Variants in RGS6 observed in about 807,000 individuals in gnomAD.
The protein encoded by RGS6 is regulator of G protein signaling 6.
In RGS6, 30 loss-of-function variants were observed where a neutral mutation model predicts 78.5. The ratio of observed to expected loss-of-function variants is 0.38; its 90% CI spans 0.29 to 0.52. The LOEUF (loss-of-function observed/expected upper bound fraction) is 0.52, where lower values mean the gene tolerates loss of function less well. RGS6 is among the 20% of genes least tolerant of loss of function. The probability of loss-of-function intolerance (pLI) is 0.85; values close to 1 mark genes in which losing one functional copy is unlikely to be tolerated. For synonymous variants in RGS6, 206 were observed against 206.0 expected (o/e 1.00, Z 0.00); for missense variants, 495 against 609.7 (o/e 0.81, Z 1.98).
chr14:72,540,720 A>G, intron 17 of RGS6: 8 of 1,333,944 alleles, frequency 6.0e-6, no homozygotes, highest in Non-Finnish European at 7.9e-6. Flanking sequence ...AGAGGAGGGA[A>G]GTAGCTGAAT....
At chr14:72,603,588 C>G in the RGS6 span, among the ~76,000 whole-genome samples, 1 of 152,196 alleles carries the variant, frequency 6.6e-6, no homozygotes, top group East Asian at 1.9e-4. Flanking sequence ...AGTTGGCATT[C>G]AACAGTGAAC....
intron 2 of RGS6, among the ~76,000 whole-genome samples, chr14:72,222,588 C>G (rs1335402434): frequency 6.6e-6 from 1 of 152,138 alleles, no homozygotes; most frequent in Non-Finnish European, 1.5e-5. Context: ...TAGAATGATA[C>G]CAATTGCAGA....
intron 2 of RGS6, among the ~76,000 whole-genome samples, chr14:71,970,693 T>C (rs2093748194): frequency 6.6e-6 from 1 of 152,148 alleles, no homozygotes; most frequent in Non-Finnish European, 1.5e-5. Context: ...TTGAGTGTCA[T>C]TTGTGTGCCA....
At chr14:72,309,062 C>T (rs1011645481) in intron 2 of RGS6, among the ~76,000 whole-genome samples, 6 of 152,150 alleles carry the variant, frequency 3.9e-5, no homozygotes, top group African/African-American at 1.4e-4. Context: ...TTTTAAATTC[C>T]TATTTTTAGC....
chr14:71,869,506 G>A, the RGS6 span, among the ~76,000 whole-genome samples: 1 of 152,184 alleles, frequency 6.6e-6, no homozygotes, highest in East Asian at 1.9e-4. Flanking sequence ...TCTAAACACT[G>A]TTGCTACAGT....
intron 2 of RGS6, among the ~76,000 whole-genome samples, chr14:72,126,504 G>A (rs2096196257): frequency 6.6e-6 from 1 of 152,248 alleles, no homozygotes; most frequent in Non-Finnish European, 1.5e-5. Context: ...CTCACATAGA[G>A]CCGTTGGTTA....
the RGS6 span, among the ~76,000 whole-genome samples, chr14:72,612,944 T>G: frequency 1.3e-5 from 2 of 152,018 alleles, no homozygotes; most frequent in African/African-American, 4.8e-5. Context: ...TGGCTCTCCC[T>G]CTTGTCCTGG....
intron 6 of RGS6, among the ~76,000 whole-genome samples, chr14:72,460,954 T>C (rs1484682729): frequency 3.9e-5 from 6 of 151,952 alleles, no homozygotes; most frequent in African/African-American, 1.2e-4. Context: ...AGTTGTTCCA[T>C]GGTCAAGTGT....
rs17115950 is a variant in RGS6 at position 72,455,202 on chromosome 14, C to T, written c.235+624C>T. On this transcript the variant is annotated intron_variant, in intron 4 of 17. Transcript: ENST00000553525. ...AAATTCAAGATAAGTAAAGCTTATT[C>T]CCATGTGCTGTCAGTTAATACTTTT... 1.0e-2 allele frequency among the ~76,000 whole-genome samples: 1,518 copies of T among 152,172 alleles called. 54 individuals are homozygous for T. Among genetic ancestry groups the T allele is most frequent in the East Asian group, 0.094 (487 of 5,180 alleles).
chr14:72,203,385 T>C (rs1177094025), intron 2 of RGS6, among the ~76,000 whole-genome samples: 1 of 152,218 alleles, frequency 6.6e-6, no homozygotes, highest in African/African-American at 2.4e-5. Flanking sequence ...TCTATCGCTG[T>C]ATAACAAATT....
intron 2 of RGS6, among the ~76,000 whole-genome samples, chr14:72,297,428 TA>T (rs201483523): frequency 0.014 from 2,030 of 141,168 alleles, 18 homozygotes; most frequent in African/African-American, 0.028. Flanking sequence ...TTATTATTAT[TA>T]TTTTTTTTTT....
the RGS6 span, among the ~76,000 whole-genome samples, chr14:72,583,959 A>C: frequency 6.6e-6 from 1 of 152,206 alleles, no homozygotes; most frequent in East Asian, 1.9e-4. Context: ...CCACCAATCA[A>C]GCCAGTGGTG....
At chr14:72,401,988 A>G (rs1230357266) in intron 3 of RGS6, among the ~76,000 whole-genome samples, 1 of 152,212 alleles carries the variant, frequency 6.6e-6, no homozygotes, top group Non-Finnish European at 1.5e-5. Context: ...CAAAAGATGG[A>G]GCAAGTTGGA....
At chr14:72,575,425 G>A in the RGS6 span, among the ~76,000 whole-genome samples, 2 of 152,250 alleles carry the variant, frequency 1.3e-5, no homozygotes, top group East Asian at 1.9e-4. Context: ...AGGTCCATAG[G>A]TGAGGGCATT....
At chr14:71,889,341 G>A in the RGS6 span, among the ~76,000 whole-genome samples, 3 of 152,314 alleles carry the variant, frequency 2.0e-5, no homozygotes, top group African/African-American at 7.2e-5. Context: ...ATCTGCCTTT[G>A]TCTGGAGAAG....
At chr14:72,461,613 G>A (rs2095784264) in intron 6 of RGS6, among the ~76,000 whole-genome samples, 1 of 152,094 alleles carries the variant, frequency 6.6e-6, no homozygotes. Flanking sequence ...GATCACTTGA[G>A]CCCAGGAGTT....
chr14:71,930,362 T>C (rs1296145380), upstream of RGS6, among the ~76,000 whole-genome samples: 1 of 152,118 alleles, frequency 6.6e-6, no homozygotes, highest in Non-Finnish European at 1.5e-5. Context: ...CTCTTGGCCA[T>C]GTCAGCAAAA....
At chr14:72,240,140 C>T (rs2052381962) in intron 2 of RGS6, among the ~76,000 whole-genome samples, 1 of 152,192 alleles carries the variant, frequency 6.6e-6, no homozygotes, top group Admixed American at 6.5e-5. Flanking sequence ...AACCCCCACC[C>T]TCTAACGGTG....
At chr14:72,622,871 A>G in the RGS6 span, among the ~76,000 whole-genome samples, 2 of 152,260 alleles carry the variant, frequency 1.3e-5, no homozygotes, top group Admixed American at 1.3e-4. Context: ...TCCTCCTCAA[A>G]GGCTCTGCCA....
Sources: gnomAD v4.1 joint callset for allele counts (sites outside exome capture counted in the v4.1 genomes callset) on GRCh38, gnomAD v4.1.1 for gene constraint, MANE v1.5 for transcripts, NCBI Gene and HGNC (gene_info 2026-07-23, HGNC 2026-07-21) for gene names.